UBXN7: variants seen among roughly 807,000 people sequenced by gnomAD.
UBXN7 encodes UBX domain-containing protein 7.
Under a neutral mutation model 58.0 loss-of-function variants are expected in UBXN7, and 9 were observed. The ratio of observed to expected loss-of-function variants is 0.16; its 90% CI spans 0.09 to 0.27. UBXN7 has a LOEUF of 0.27. UBXN7 is among the 10% of genes least tolerant of loss of function. UBXN7 has a pLI of 1.00. For synonymous variants in UBXN7, 208 were observed against 205.0 expected, an observed-to-expected ratio of 1.01 and a Z score of -0.12; for missense variants, 328 against 599.6, an observed-to-expected ratio of 0.55 and a Z score of 4.73.
chr3:196,359,537 C>T (rs1440542388), intron 10 of UBXN7, among the ~76,000 whole-genome samples: 3 of 152,166 alleles, frequency 2.0e-5, no homozygotes, highest in Non-Finnish European at 4.4e-5. Context: ...AGGCCTCTGG[C>T]ACCAAACAGC....
At chr3:196,359,700 T>G (rs1728453671) in intron 10 of UBXN7, among the ~76,000 whole-genome samples, 1 of 151,666 alleles carries the variant, frequency 6.6e-6, no homozygotes, top group African/African-American at 2.4e-5. Context: ...AGGTCAGGAG[T>G]TCGAGACCAG....
In UBXN7 at chr3:196,393,616, G is replaced by A; in HGVS notation, c.293C>T (p.Pro98Leu). 6.2e-7 allele frequency: 1 copy of A among 1,604,416 alleles called. No individual in the cohort carries two copies. ...LVEPEPLFGA[P>L]KRRRPARSIF... ...TGAACGTGCAGGCCGTCGTCTTTTA[G>A]GAGCTTTGGGGAGAAAAAATAGAAT... Residue 98 changes from proline (P) to leucine (L), a missense_variant, in exon 4 of 11, where the codon CCT (proline) becomes CTT (leucine). Coordinates refer to ENST00000296328, the MANE Select transcript of UBXN7 (RefSeq NM_015562.2).
intron 1 of UBXN7, 51 bp downstream of exon 1, chr3:196,432,276 G>C: frequency 6.2e-7 from 1 of 1,605,310 alleles, no homozygotes; most frequent in Non-Finnish European, 8.5e-7. Flanking sequence ...GGGCAGACCC[G>C]CTGCCCGCTC....
Position 196,392,935 on chromosome 3 carries a change from A to G in UBXN7, c.355+619T>C, listed in dbSNP as rs1324644207. Among the ~76,000 whole-genome samples, 4 of 152,256 alleles carry G rather than the reference A, an allele frequency of 2.6e-5. No homozygotes were observed. In the South Asian group the frequency reaches 6.2e-4, roughly 24 times the overall value. On this transcript the variant is annotated intron_variant, in intron 4 of 10. Coordinates refer to ENST00000296328, the MANE Select transcript of UBXN7 (RefSeq NM_015562.2). ...TTTAGGTTCCCCATCAATTCTCTCC[A>G]AAGTCACAAGACCTATCTGTGCCTC...
chr3:196,380,012 G>A (rs1729150953), intron 5 of UBXN7, among the ~76,000 whole-genome samples: 1 of 152,142 alleles, frequency 6.6e-6, no homozygotes, highest in Admixed American at 6.5e-5. Context: ...CACTTTGGGA[G>A]GCCAAGGCGG....
At chr3:196,382,706 G>C (rs1729243624) in intron 5 of UBXN7, among the ~76,000 whole-genome samples, 1 of 152,162 alleles carries the variant, frequency 6.6e-6, no homozygotes, top group South Asian at 2.1e-4. Context: ...ATTGGATAAA[G>C]AGTTAAGACC....
At position 196,407,411 on chromosome 3, in the gene UBXN7, C is replaced by T. The variant is rs371987449; in HGVS notation, c.74-18G>A. The T allele has an allele frequency of 3.3e-5, 45 of 1,376,122 alleles. No homozygotes were observed. The highest frequency in any genetic ancestry group is 4.3e-5 in the Non-Finnish European group (45 of 1,048,886). 85.2% of individuals were successfully genotyped at this position (1,376,122 alleles called of 1,614,324 possible). A position where few individuals can be genotyped will look rare whatever the true frequency, so the allele number is the denominator to read the frequency against. On this transcript the variant is annotated intron_variant, in intron 1 of 10. Coordinates refer to ENST00000296328, the MANE Select transcript of UBXN7 (RefSeq NM_015562.2). ...ACTTGCACCTGAAACAGTAAAAAGA[C>T]AGGAAAAACGTTAAAAAAAAAAAAA...
chr3:196,408,190 A>C (rs542119437), intron 1 of UBXN7, among the ~76,000 whole-genome samples: 15 of 152,098 alleles, frequency 9.9e-5, no homozygotes, highest in Non-Finnish European at 1.9e-4. Flanking sequence ...CTAAGTCAAA[A>C]TCTGGTAAGA....
At chr3:196,432,216 G>T in intron 1 of UBXN7, 111 bp downstream of exon 1, 1 of 1,448,810 alleles carries the variant, frequency 6.9e-7, no homozygotes, top group Non-Finnish European at 9.5e-7. Flanking sequence ...GAGGACGGCA[G>T]CTGTGGGTAA....
chr3:196,396,736 C>A (rs1729787873), intron 3 of UBXN7, among the ~76,000 whole-genome samples: 1 of 152,078 alleles, frequency 6.6e-6, no homozygotes, highest in Non-Finnish European at 1.5e-5. Flanking sequence ...GCACTCCAGC[C>A]TGGGCCACAG....
At chr3:196,416,170 G>C (rs761829057) in intron 1 of UBXN7, 2 of 152,254 alleles carry the variant, frequency 1.3e-5, no homozygotes, top group Non-Finnish European at 2.9e-5. Context: ...GGGTGCGGTG[G>C]CTCACGCCTG....
chr3:196,402,227 G>A (rs1219431370), intron 3 of UBXN7, among the ~76,000 whole-genome samples: 2 of 152,086 alleles, frequency 1.3e-5, no homozygotes, highest in Non-Finnish European at 2.9e-5. Flanking sequence ...TGACATGTTG[G>A]CTAGGCTGGT....
chr3:196,408,097 C>CCA (rs1730217104), intron 1 of UBXN7, among the ~76,000 whole-genome samples: 1 of 45,238 alleles, frequency 2.2e-5, no homozygotes, highest in South Asian at 8.2e-4. Context: ...GACTCTGTCT[C>CCA]AAAAAAAAAA....
At chr3:196,362,972 C>T (rs1728546613) in intron 8 of UBXN7, among the ~76,000 whole-genome samples, 1 of 151,960 alleles carries the variant, frequency 6.6e-6, no homozygotes, top group Non-Finnish European at 1.5e-5. Context: ...GGCACGAACT[C>T]GGCTCACTGC....
intron 3 of UBXN7, among the ~76,000 whole-genome samples, chr3:196,401,344 C>T (rs1163104580): frequency 2.7e-5 from 3 of 111,610 alleles, no homozygotes; most frequent in African/African-American, 1.0e-4. Context: ...CACATATATA[C>T]AAAAAATAAA....
rs146103412 is a variant in UBXN7, at chr3:196,377,621, G to A, written c.469-5579C>T. On this transcript the variant is annotated intron_variant, in intron 5 of 10. Coordinates refer to ENST00000296328, the MANE Select transcript of UBXN7 (RefSeq NM_015562.2). The stretch of plus-strand genomic sequence containing the variant: ...CAGACCACACACATCAAATGGCCCT[G>A]AACAAAATACAGCCCCCCTCTCTCC... Among the ~76,000 whole-genome samples, 870 of 152,188 alleles carry A rather than the reference G, an allele frequency of 5.7e-3. 14 individuals are homozygous for A. The highest frequency in any genetic ancestry group is 0.02 in the African/African-American group (839 of 41,534).
At chr3:196,407,512 A>G in intron 1 of UBXN7, 119 bp from the exon 2 acceptor site, 1 of 1,365,602 alleles carries the variant, frequency 7.3e-7, no homozygotes, top group African/African-American at 1.5e-5. Flanking sequence ...TTTAGAATGA[A>G]TGACTTTCTT....
Position 196,348,417 on chromosome 3 carries a change from G to C in UBXN7, c.*8268C>G, listed in dbSNP as rs1350450251. ...AGCACTTGCCAGAAACATTACAACA[G>C]GAGCACTGTCTCTGTTATCTTCTTG... On this transcript the variant is annotated 3_prime_UTR_variant, in exon 11 of 11. Coordinates refer to ENST00000296328, the MANE Select transcript of UBXN7 (RefSeq NM_015562.2). The C allele has an allele frequency of 6.6e-6, 1 of 152,112 alleles. No homozygotes were observed. Among genetic ancestry groups the C allele is most frequent in the Non-Finnish European group, 1.5e-5 (1 of 68,042 alleles). The allele number at this position is 152,112 out of a possible 1,614,324, so 9.4% of individuals were successfully genotyped here.
chr3:196,367,581 C>T (rs993657060), intron 8 of UBXN7, among the ~76,000 whole-genome samples: 1 of 152,088 alleles, frequency 6.6e-6, no homozygotes, highest in Non-Finnish European at 1.5e-5. Context: ...ACAGTCTGGG[C>T]AAAACAGCAA....
Sources: gnomAD v4.1 joint callset for allele counts (sites outside exome capture counted in the v4.1 genomes callset) on GRCh38, gnomAD v4.1.1 for gene constraint, MANE v1.5 for transcripts, NCBI Gene and HGNC (gene_info 2026-07-23, HGNC 2026-07-21) for gene names.